Variants in ZBTB38 observed in about 807,000 individuals in gnomAD.
ZBTB38 encodes zinc finger and BTB domain containing 38, also known as zinc finger and BTB domain-containing protein 38.
ZBTB38 carries 20 observed loss-of-function variants against 76.8 expected under a neutral mutation model. The ratio of observed to expected loss-of-function variants is 0.26; its 90% CI spans 0.18 to 0.38. The LOEUF (loss-of-function observed/expected upper bound fraction) is 0.38, where lower values mean the gene tolerates loss of function less well. Ranked by LOEUF, ZBTB38 falls within the 10% of genes least tolerant of loss-of-function variation. The pLI, the probability that ZBTB38 is intolerant of heterozygous loss-of-function variation, is 1.00. For synonymous variants in ZBTB38, 504 were observed against 544.2 expected (o/e 0.93, Z 1.03); for missense variants, 1,082 against 1,482.3 (o/e 0.73, Z 4.43).
At chr3:141,336,818 C>A (rs1490251906) in intron 1 of ZBTB38, among the ~76,000 whole-genome samples, 1 of 152,170 alleles carries the variant, frequency 6.6e-6, no homozygotes, top group Non-Finnish European at 1.5e-5. Context: ...GCCAGTAGCC[C>A]CCAGGAGAAT....
intron 2 of ZBTB38, among the ~76,000 whole-genome samples, chr3:141,379,353 C>T (rs1243979413): frequency 6.6e-6 from 1 of 152,170 alleles, no homozygotes; most frequent in African/African-American, 2.4e-5. Flanking sequence ...GAGGAGTCCC[C>T]AGCATCACCT....
intron 1 of ZBTB38, among the ~76,000 whole-genome samples, chr3:141,328,447 C>G (rs1294962631): frequency 6.6e-6 from 1 of 152,168 alleles, no homozygotes; most frequent in African/African-American, 2.4e-5. Flanking sequence ...GATGTCACCA[C>G]CCCCTCATTT....
At chr3:141,431,348 A>G (rs1365266030) in intron 5 of ZBTB38, among the ~76,000 whole-genome samples, 2 of 140,200 alleles carry the variant, frequency 1.4e-5, no homozygotes, top group East Asian at 2.1e-4. Context: ...AAAAATATAT[A>G]TATATATTTG....
In ZBTB38 at chr3:141,444,065, T is replaced by C. The variant is rs766089581; in HGVS notation, c.1677T>C (p.Ser559=). The C allele has an allele frequency of 2.5e-6, 4 of 1,614,030 alleles. No homozygotes were observed. The highest frequency in any genetic ancestry group is 3.3e-5 in the Admixed American group (2 of 60,012). Reference sequence around the variant, plus strand: ...CAGCAAATGGAGGCTTGAAGCCTAGTGTCTATCCGTATAAACTTTATAGGC... The same window carrying C: ...CAGCAAATGGAGGCTTGAAGCCTAGCGTCTATCCGTATAAACTTTATAGGC... ...KKTANGGLKP[S]VYPYKLYRLL... The change falls in exon 6 of 6, where the codon AGT becomes AGC. Residue 559 remains serine (S), a synonymous_variant. Transcript: ENST00000321464. This position sits in a 1 kb window ranked among gnomAD's most constrained non-coding sequence, Gnocchi z 5.1.
intron 1 of ZBTB38, among the ~76,000 whole-genome samples, chr3:141,358,158 G>A (rs187913317): frequency 2.3e-4 from 35 of 152,296 alleles, no homozygotes; most frequent in East Asian, 1.9e-4. Context: ...CAAGGTAAGC[G>A]CCACAGGAAG....
rs1457193713 is a variant in ZBTB38 at position 141,442,185 on chromosome 3, A to G, written c.1-204A>G. On this transcript the variant is annotated intron_variant, in intron 5 of 5. Coordinates refer to ENST00000321464, the MANE Select transcript of ZBTB38 (RefSeq NM_001376113.1). The surrounding 1 kb of genome is among the most constrained non-coding windows in gnomAD (Gnocchi z 6.4). ...AGGATTTCCAATGATAACAACTATT[A>G]GCAATGGTATGAGAAACAGGCTGGG... Among the ~76,000 whole-genome samples the G allele has an allele frequency of 6.6e-6, 1 of 152,232 alleles. No individual in the cohort carries two copies. Among genetic ancestry groups the G allele is most frequent in the Non-Finnish European group, 1.5e-5 (1 of 68,030 alleles).
chr3:141,431,345 T>TAA (rs2077545833), intron 5 of ZBTB38, among the ~76,000 whole-genome samples: 1 of 121,700 alleles, frequency 8.2e-6, no homozygotes. Flanking sequence ...AAAAAAAATA[T>TAA]ATATATATAT....
chr3:141,424,447 G>T (rs2076010215), intron 5 of ZBTB38, among the ~76,000 whole-genome samples: 1 of 152,152 alleles, frequency 6.6e-6, no homozygotes, highest in Non-Finnish European at 1.5e-5. Context: ...TTGAGCCCAG[G>T]AGTTCCAGGC....
intron 2 of ZBTB38, among the ~76,000 whole-genome samples, chr3:141,371,692 G>C (rs1006707368): frequency 2.0e-5 from 3 of 152,098 alleles, no homozygotes; most frequent in Non-Finnish European, 4.4e-5. Context: ...GGCTATTAAT[G>C]CTACCCCAAA....
intron 5 of ZBTB38, among the ~76,000 whole-genome samples, chr3:141,412,291 G>A (rs756205906): frequency 6.6e-6 from 1 of 152,142 alleles, no homozygotes; most frequent in Non-Finnish European, 1.5e-5. Flanking sequence ...CAAGTGCCTC[G>A]TATTCCCAAA....
In ZBTB38 at chr3:141,409,626, C is replaced by T. The variant is rs1234890119; in HGVS notation, c.-1+5595C>T. On this transcript the variant is annotated intron_variant, in intron 5 of 5. Transcript: ENST00000321464. ...TGCCAGGTAGGAGATCAGGACCCCA[C>T]CCTCATGGAGCCTCCCTATATCCCT... Among the ~76,000 whole-genome samples, 4 of 152,228 alleles carry T rather than the reference C, an allele frequency of 2.6e-5. No homozygotes were observed. In the East Asian group the frequency reaches 7.7e-4, roughly 29 times the overall value.
At chr3:141,334,595 G>A (rs1942961726) in intron 1 of ZBTB38, among the ~76,000 whole-genome samples, 1 of 152,008 alleles carries the variant, frequency 6.6e-6, no homozygotes, top group African/African-American at 2.4e-5. Context: ...TAAGAGGACA[G>A]CACCCCTGTC....
intron 5 of ZBTB38, among the ~76,000 whole-genome samples, chr3:141,437,859 C>T (rs1364497832): frequency 3.9e-5 from 6 of 152,062 alleles, no homozygotes; most frequent in African/African-American, 7.3e-5. Flanking sequence ...AGTAAGCATT[C>T]GTTCAAAGGA....
At chr3:141,350,040 G>A (rs368280088) in intron 1 of ZBTB38, among the ~76,000 whole-genome samples, 2 of 152,082 alleles carry the variant, frequency 1.3e-5, no homozygotes, top group African/African-American at 2.4e-5. Context: ...ATCATAAAAC[G>A]AAAGAGTCTT....
In ZBTB38 at chr3:141,337,087, C is replaced by T. The variant is rs73232975; in HGVS notation, c.-739+12631C>T. Among the ~76,000 whole-genome samples the T allele has an allele frequency of 3.1e-3, 471 of 152,342 alleles. 1 individual carries two copies. Among genetic ancestry groups the T allele is most frequent in the Non-Finnish European group, 5.6e-3 (382 of 68,034 alleles). The stretch of plus-strand genomic sequence containing the variant: ...CACTTCCAGTTCTAGTCACTCCCCG[C>T]TTCTCTGAGGAAGTGAGAGTAACTG... On this transcript the variant is annotated intron_variant, in intron 1 of 7. Transcript: ENST00000509842.
chr3:141,334,385 TTTCC>T (rs1387571992), intron 1 of ZBTB38, among the ~76,000 whole-genome samples: 1 of 146,302 alleles, frequency 6.8e-6, no homozygotes, highest in Non-Finnish European at 1.5e-5. Flanking sequence ...TCCCTCCATT[TTTCC>T]TTCCTTCCTT....
chr3:141,350,564 G>A (rs185791995), intron 1 of ZBTB38, among the ~76,000 whole-genome samples: 1 of 152,194 alleles, frequency 6.6e-6, no homozygotes, highest in East Asian at 1.9e-4. Context: ...AAATTGCTTG[G>A]AGTCTACATT....
intron 4 of ZBTB38, chr3:141,389,877 CTTTT>C (rs1484319165): frequency 6.6e-6 from 1 of 152,090 alleles, no homozygotes; most frequent in Non-Finnish European, 1.5e-5. Flanking sequence ...AATGTCGATT[CTTTT>C]GTTTGTGACT....
chr3:141,425,003 A>G (rs544716901), intron 5 of ZBTB38, among the ~76,000 whole-genome samples: 64 of 152,256 alleles, frequency 4.2e-4, no homozygotes, highest in Non-Finnish European at 9.0e-4. Flanking sequence ...TAACCCAAGT[A>G]TCTTCTATTA....
Sources: allele counts gnomAD v4.1 joint callset (sites outside exome capture counted in the v4.1 genomes callset), GRCh38; gene constraint gnomAD v4.1.1; non-coding constraint Gnocchi (gnomAD v3.1); transcripts MANE v1.5; gene names NCBI Gene and HGNC (gene_info 2026-07-23, HGNC 2026-07-21).